Variants in CROCC observed in about 807,000 individuals in gnomAD.
CROCC encodes the protein ciliary rootlet coiled-coil, rootletin, also known as rootletin.
A neutral mutation model predicts 245.2 loss-of-function variants in CROCC; 180 were observed. The observed-to-expected ratio is 0.73, with a 90% CI of 0.65 to 0.83. The LOEUF (loss-of-function observed/expected upper bound fraction) is 0.83. CROCC is among the 40% of genes least tolerant of loss of function. The probability of loss-of-function intolerance (pLI) is 0.00; values close to 1 mark genes in which losing one functional copy is unlikely to be tolerated. For missense variants in CROCC, 2,688 were observed against 2,779.4 expected, an observed-to-expected ratio of 0.97 and a Z score of 0.74; for synonymous variants, 1,205 against 1,241.6, an observed-to-expected ratio of 0.97 and a Z score of 0.62.
Position 16,966,135 on chromosome 1 carries a change from G to A in CROCC, c.4696+16G>A, listed in dbSNP as rs370310464. Reference sequence around the variant, plus strand: ...AGTGAGGAAGGTGAGTCTGATCCTCGGGGTCCCTGTTCTCTCTCCTGTGTT... The same window carrying A: ...AGTGAGGAAGGTGAGTCTGATCCTCAGGGTCCCTGTTCTCTCTCCTGTGTT... On this transcript the variant is annotated intron_variant, in intron 29 of 36. Transcript: ENST00000375541. This position sits in a 1 kb window ranked among gnomAD's most constrained non-coding sequence, Gnocchi z 4.8. The A allele has an allele frequency of 6.9e-6, 11 of 1,603,140 alleles. No homozygotes were observed. Among genetic ancestry groups the A allele is most frequent in the Middle Eastern group, 3.3e-4 (2 of 6,050 alleles).
intron 24 of CROCC, among the ~76,000 whole-genome samples, 156 bp from the exon 25 acceptor site, chr1:16,955,841 G>A (rs542167658): frequency 2.0e-5 from 3 of 152,262 alleles, no homozygotes; most frequent in East Asian, 1.9e-4. Flanking sequence ...GAGGGCCTGG[G>A]CCCCAGCCCT....
chr1:16,925,259 A>G (rs1448281777), intron 3 of CROCC, among the ~76,000 whole-genome samples: 1 of 152,260 alleles, frequency 6.6e-6, no homozygotes, highest in African/African-American at 2.4e-5. Context: ...TATTAACAGT[A>G]GCTACTGTTT....
intron 3 of CROCC, among the ~76,000 whole-genome samples, chr1:16,926,192 G>A (rs1172606236): frequency 1.1e-4 from 17 of 152,254 alleles, no homozygotes; most frequent in African/African-American, 1.4e-4. Flanking sequence ...ATCCACCATG[G>A]TTTGAATGAG....
At chr1:16,964,209 A>G (rs188766798) in intron 27 of CROCC, among the ~76,000 whole-genome samples, 66 of 145,720 alleles carry the variant, frequency 4.5e-4, no homozygotes, top group African/African-American at 1.6e-3. Flanking sequence ...TCAGCTCACT[A>G]CAACCTCTGT....
intron 9 of CROCC, 143 bp downstream of exon 9, chr1:16,937,016 G>C: frequency 1.1e-6 from 1 of 904,158 alleles, no homozygotes; most frequent in Non-Finnish European, 1.7e-6. Flanking sequence ...CTGAGGTTCC[G>C]AAGGCACTTG....
At chr1:16,922,381 C>T (rs1465006156) in intron 1 of CROCC, among the ~76,000 whole-genome samples, 5 of 152,268 alleles carry the variant, frequency 3.3e-5, no homozygotes, top group African/African-American at 1.2e-4. Context: ...AGGGTCGGAA[C>T]CGGATTGGGG....
chr1:16,916,697 G>A (rs1457359648), intron 1 of CROCC, among the ~76,000 whole-genome samples: 1 of 152,282 alleles, frequency 6.6e-6, no homozygotes, highest in East Asian at 1.9e-4. Context: ...TTTTTTGGCA[G>A]AGATGGAGTC....
In CROCC at chr1:16,930,366, G is replaced by A. The variant is rs569786398; in HGVS notation, c.683+19G>A. On this transcript the variant is annotated intron_variant, in intron 6 of 36. Transcript: ENST00000375541. ...AGCAGAGGTGAGGGCGCAGCAGGGA[G>A]GGCCAGGGCTGGCAGGATGGCCCCC... is the stretch of plus-strand genomic sequence containing the variant. The A allele has an allele frequency of 4.3e-6, 7 of 1,611,004 alleles. No homozygotes were observed. Among genetic ancestry groups the A allele is most frequent in the Admixed American group, 1.7e-5 (1 of 59,928 alleles).
rs1005360008 is a variant in CROCC at position 16,972,781 on chromosome 1, C to CAGGCCCAGGGCAGGGGTCAG, written c.*345_*364dup. On this transcript the variant is annotated 3_prime_UTR_variant, in exon 37 of 37. Coordinates refer to ENST00000375541, the MANE Select transcript of CROCC (RefSeq NM_014675.5). The stretch of plus-strand genomic sequence containing the variant: ...GGATCGTGGGAAAGAGGAGGGGGAC[C>CAGGCCCAGGGCAGGGGTCAG]AGGCCCAGGGCAGGGGTCAGAGGCC... 1 of 191,192 alleles carries CAGGCCCAGGGCAGGGGTCAG rather than the reference C, an allele frequency of 5.2e-6. No individual in the cohort carries two copies. The highest frequency in any genetic ancestry group is 1.1e-5 in the Non-Finnish European group (1 of 94,376). The allele number at this position is 191,192 out of a possible 1,614,324, so 11.8% of individuals were successfully genotyped here. A position where few individuals can be genotyped will look rare whatever the true frequency, so the allele number is the denominator to read the frequency against.
intron 8 of CROCC, among the ~76,000 whole-genome samples, chr1:16,936,017 A>G (rs1223108996): frequency 7.4e-6 from 1 of 136,028 alleles, no homozygotes; most frequent in African/African-American, 3.0e-5. Flanking sequence ...TGAGTAGGGG[A>G]GGGCCTGTTA....
intron 27 of CROCC, among the ~76,000 whole-genome samples, chr1:16,963,662 C>T (rs1213433266): frequency 9.9e-5 from 15 of 152,092 alleles, no homozygotes; most frequent in Admixed American, 8.5e-4. Context: ...CAGGTAGTGC[C>T]CTGGTTCCAC....
chr1:16,914,321 C>T (rs2075281713), intron 1 of CROCC, among the ~76,000 whole-genome samples: 1 of 152,194 alleles, frequency 6.6e-6, no homozygotes, highest in Admixed American at 6.5e-5. Context: ...GCGGATGCCC[C>T]GCCGCGTCCT....
intron 15 of CROCC, among the ~76,000 whole-genome samples, chr1:16,945,858 G>A (rs2076033180): frequency 1.3e-5 from 2 of 152,416 alleles, no homozygotes; most frequent in African/African-American, 4.8e-5. Flanking sequence ...TGGGGGCAAT[G>A]CCTATAGCTC....
upstream of CROCC, among the ~76,000 whole-genome samples, chr1:16,921,194 T>C (rs1468171476): frequency 6.6e-6 from 1 of 152,280 alleles, no homozygotes; most frequent in Non-Finnish European, 1.5e-5. Flanking sequence ...ACCAATATTA[T>C]CACATCTTAC....
intron 24 of CROCC, 109 bp downstream of exon 24, chr1:16,955,659 C>T: frequency 9.8e-7 from 1 of 1,025,274 alleles, no homozygotes; most frequent in Admixed American, 2.9e-5. Flanking sequence ...GATCCTCTGT[C>T]TCCTAAGCAG....
chr1:16,946,611 C>T, intron 16 of CROCC, 150 bp from the exon 17 acceptor site: 4 of 1,063,666 alleles, frequency 3.8e-6, no homozygotes, highest in Non-Finnish European at 5.4e-6. Context: ...TCATCTCCCC[C>T]TCCCCAGTGT....
intron 13 of CROCC, among the ~76,000 whole-genome samples, chr1:16,943,313 A>C (rs1465049108): frequency 6.6e-6 from 1 of 152,206 alleles, no homozygotes; most frequent in African/African-American, 2.4e-5. Flanking sequence ...CGAGGCGGGC[A>C]GGTCATGAGG....
intron 1 of CROCC, among the ~76,000 whole-genome samples, chr1:16,914,139 T>C (rs376567841): frequency 3.1e-5 from 3 of 97,724 alleles, no homozygotes; most frequent in Non-Finnish European, 7.7e-5. Flanking sequence ...CGCGCGAAGG[T>C]AGGTGGCCGG....
At chr1:16,932,348 G>A (rs1260197816) in intron 8 of CROCC, among the ~76,000 whole-genome samples, 1 of 152,250 alleles carries the variant, frequency 6.6e-6, no homozygotes, top group African/African-American at 2.4e-5. Context: ...GCTGAGGCAG[G>A]AGAATTGCTT....
Sources: gnomAD v4.1 joint callset for allele counts (sites outside exome capture counted in the v4.1 genomes callset) on GRCh38, gnomAD v4.1.1 for gene constraint, Gnocchi (gnomAD v3.1) non-coding constraint, MANE v1.5 for transcripts, NCBI Gene and HGNC (gene_info 2026-07-23, HGNC 2026-07-21) for gene names.